Variants in PLB1 observed in about 807,000 individuals in gnomAD.
PLB1 encodes phospholipase B1, membrane-associated.
A neutral mutation model predicts 227.4 loss-of-function variants in PLB1; 242 were observed. The observed-to-expected ratio is 1.06, with a 90% CI of 0.96 to 1.18. The LOEUF is 1.18. PLB1 is among the 50% of genes most tolerant of loss of function. PLB1 has a pLI of 0.00. For missense variants in PLB1, 1,858 were observed against 1,816.3 expected, an observed-to-expected ratio of 1.02 and a Z score of -0.42; for synonymous variants, 757 against 682.2, an observed-to-expected ratio of 1.11 and a Z score of -1.71.
At chr2:28,502,592 G>C (rs987466800) in intron 1 of PLB1, among the ~76,000 whole-genome samples, 1 of 152,170 alleles carries the variant, frequency 6.6e-6, no homozygotes, top group Non-Finnish European at 1.5e-5. Flanking sequence ...GTTGATCATG[G>C]TGTATCTCTT....
At chr2:28,626,351 C>A in intron 50 of PLB1, 77 bp from the exon 51 acceptor site, 1 of 1,219,594 alleles carries the variant, frequency 8.2e-7, no homozygotes, top group South Asian at 1.2e-5. Flanking sequence ...ACTTGGAGGG[C>A]GGGCGGGCTG....
Position 28,632,936 on chromosome 2 carries a change from G to T in PLB1, c.4003-8G>T, listed in dbSNP as rs778224102. Reference sequence around the variant, plus strand: ...CCAGGATGATAACCTCCTTGCCGTTGGTTGCAGAGAGGGGACACTGACCTC... The same window carrying T: ...CCAGGATGATAACCTCCTTGCCGTTTGTTGCAGAGAGGGGACACTGACCTC... On this transcript the variant is annotated splice_region_variant and splice_polypyrimidine_tract_variant and intron_variant, in intron 55 of 57. Transcript: ENST00000327757. The T allele has an allele frequency of 6.3e-7, 1 of 1,599,988 alleles. No individual in the cohort carries two copies. The highest frequency in any genetic ancestry group is 1.1e-5 in the South Asian group (1 of 90,958).
At chr2:28,499,237 G>A (rs907977897) in intron 1 of PLB1, among the ~76,000 whole-genome samples, 1 of 151,946 alleles carries the variant, frequency 6.6e-6, no homozygotes, top group Non-Finnish European at 1.5e-5. Flanking sequence ...AGTGATTGCT[G>A]TTTTTGCCAT....
intron 1 of PLB1, among the ~76,000 whole-genome samples, chr2:28,499,072 T>A (rs1474163798): frequency 7.0e-6 from 1 of 142,596 alleles, no homozygotes. Context: ...GATATTTTTG[T>A]TGTGTGGCAA....
At chr2:28,563,703 T>G (rs140802174) in intron 18 of PLB1, among the ~76,000 whole-genome samples, 12 of 152,160 alleles carry the variant, frequency 7.9e-5, no homozygotes, top group Non-Finnish European at 1.6e-4. Context: ...AAAAGCAGAA[T>G]CAGGCCCTTG....
chr2:28,556,995 C>G (rs1042044861), intron 17 of PLB1, among the ~76,000 whole-genome samples: 2 of 152,058 alleles, frequency 1.3e-5, no homozygotes, highest in African/African-American at 4.8e-5. Context: ...CGTGAGCCAG[C>G]AGTGCAATGT....
At position 28,559,740 on chromosome 2, in the gene PLB1, CTTTTTTTTTTTTTTT is replaced by C. The variant is rs10618292; in HGVS notation, c.1148-3286_1148-3272del. ...CTGTGTTTCACTGCAGGCCTGAAAG[CTTTTTTTTTTTTTTT>C]TTTTTTTTTTTTTTGAGACGGAGTC... On this transcript the variant is annotated intron_variant, in intron 17 of 57. Transcript: ENST00000327757. 2.4e-3 allele frequency among the ~76,000 whole-genome samples: 158 copies of C among 66,258 alleles called. 3 individuals carry two copies. The highest frequency in any genetic ancestry group is 9.8e-3 in the African/African-American group (147 of 14,948). 43.5% of individuals were successfully genotyped at this position (66,258 alleles called of 152,430 possible). A position where few individuals can be genotyped will look rare whatever the true frequency, so the allele number is the denominator to read the frequency against.
intron 14 of PLB1, among the ~76,000 whole-genome samples, chr2:28,548,216 C>T (rs1188914314): frequency 6.6e-6 from 1 of 152,148 alleles, no homozygotes; most frequent in Non-Finnish European, 1.5e-5. Context: ...AGAGGGTTTC[C>T]ATTCTCTATT....
intron 24 of PLB1, 123 bp downstream of exon 24, chr2:28,582,256 T>TA: frequency 8.0e-7 from 1 of 1,248,042 alleles, no homozygotes; most frequent in East Asian, 2.4e-5. Flanking sequence ...CCCAAATGCA[T>TA]AGAGGGGGAG....
chr2:28,538,462 G>A (rs879268440), intron 10 of PLB1, 81 bp downstream of exon 10: 362 of 1,329,006 alleles, frequency 2.7e-4, no homozygotes, highest in Non-Finnish European at 3.6e-4. Flanking sequence ...GTGGGGAAAT[G>A]GACCCCTGTG....
rs376634624 is a variant in PLB1 at position 28,591,201 on chromosome 2, C to T, written c.2127+30C>T. 8.7e-6 allele frequency: 14 copies of T among 1,613,282 alleles called. No individual in the cohort carries two copies. In the African/African-American group the frequency reaches 1.7e-4, roughly 20 times the overall value. The stretch of plus-strand genomic sequence containing the variant: ...CTGCCTCTTGCCTCCTCTTGACTCA[C>T]CAGGCAATGCAATGGGCAACCCCTG... On this transcript the variant is annotated intron_variant, in intron 30 of 57. Coordinates refer to ENST00000327757, the MANE Select transcript of PLB1 (RefSeq NM_153021.5).
chr2:28,501,249 A>C (rs1000722935), intron 1 of PLB1, among the ~76,000 whole-genome samples: 1 of 152,208 alleles, frequency 6.6e-6, no homozygotes, highest in Non-Finnish European at 1.5e-5. Flanking sequence ...AGACACATCA[A>C]TGAATTTACT....
At chr2:28,602,948 C>T (rs772093668) in intron 39 of PLB1, 27 bp downstream of exon 39, 1 of 1,589,740 alleles carries the variant, frequency 6.3e-7, no homozygotes. Flanking sequence ...TGTCCCCACA[C>T]TGGAGATGCC....
At chr2:28,509,803 A>G (rs764631963) in intron 1 of PLB1, among the ~76,000 whole-genome samples, 2 of 152,258 alleles carry the variant, frequency 1.3e-5, no homozygotes, top group Non-Finnish European at 2.9e-5. Context: ...TTGGGGTTTG[A>G]TGATGCCACA....
chr2:28,500,596 C>T (rs1666973380), intron 1 of PLB1, among the ~76,000 whole-genome samples: 1 of 151,786 alleles, frequency 6.6e-6, no homozygotes, highest in South Asian at 2.1e-4. Context: ...CCCTTTTTTC[C>T]CCCACTTAAA....
Position 28,641,893 on chromosome 2 carries a change from C to G in PLB1, c.4173+892C>G, listed in dbSNP as rs1690013330. On this transcript the variant is annotated intron_variant, in intron 57 of 57. Coordinates refer to ENST00000327757, the MANE Select transcript of PLB1 (RefSeq NM_153021.5). ...GGCTGCTTGAAATCCTTGCCTGATC[C>G]CTACTGCCCATTGACCAGAGTCTGG... 2.6e-5 allele frequency among the ~76,000 whole-genome samples: 4 copies of G among 152,238 alleles called. No homozygotes were observed. In the South Asian group the frequency reaches 8.3e-4, roughly 32 times the overall value.
chr2:28,589,915 T>A, intron 28 of PLB1, 90 bp from the exon 29 acceptor site: 1 of 1,386,160 alleles, frequency 7.2e-7, no homozygotes, highest in East Asian at 2.3e-5. Context: ...CCTTCATCCC[T>A]CCCTGCCTCC....
chr2:28,500,111 T>C (rs1173029013), intron 1 of PLB1, among the ~76,000 whole-genome samples: 3 of 152,228 alleles, frequency 2.0e-5, no homozygotes, highest in Non-Finnish European at 4.4e-5. Flanking sequence ...ATTAAATAAA[T>C]TGACTTTTTA....
chr2:28,635,691 A>G (rs1412448958), intron 56 of PLB1, among the ~76,000 whole-genome samples: 1 of 152,250 alleles, frequency 6.6e-6, no homozygotes, highest in Non-Finnish European at 1.5e-5. Flanking sequence ...GTCCTTCTCG[A>G]GACTTTTGCA....
Sources: allele counts gnomAD v4.1 joint callset (sites outside exome capture counted in the v4.1 genomes callset), GRCh38; gene constraint gnomAD v4.1.1; transcripts MANE v1.5; gene names NCBI Gene and HGNC (gene_info 2026-07-23, HGNC 2026-07-21).